Variants in CARD8 observed in about 807,000 individuals in gnomAD.
CARD8 encodes the protein caspase recruitment domain family member 8.
Under a neutral mutation model 53.2 loss-of-function variants are expected in CARD8, and 38 were observed. The observed-to-expected ratio is 0.71, with a 90% CI of 0.55 to 0.94. The LOEUF (loss-of-function observed/expected upper bound fraction) is 0.94, where lower values mean the gene tolerates loss of function less well. CARD8 is among the 40% of genes least tolerant of loss of function. The pLI, the probability that CARD8 is intolerant of heterozygous loss-of-function variation, is 0.00. For synonymous variants in CARD8, 245 were observed against 244.9 expected (o/e 1.00, Z 0.00); for missense variants, 561 against 655.5 (o/e 0.86, Z 1.57).
chr19:48,211,672 G>T lies in CARD8; in HGVS notation c.*38C>A. The T allele has an allele frequency of 6.3e-7, 1 of 1,585,472 alleles. No individual in the cohort carries two copies. Among genetic ancestry groups the T allele is most frequent in the Non-Finnish European group, 8.6e-7 (1 of 1,160,704 alleles). On this transcript the variant is annotated 3_prime_UTR_variant, in exon 14 of 14. Coordinates refer to ENST00000651546, the MANE Select transcript of CARD8 (RefSeq NM_001184900.3). ...CTGTTTATCCATTTCCAATGAGAAC[G>T]CTGGATTCTCTCTTCCAGACTACCT... is the stretch of plus-strand genomic sequence containing the variant.
At chr19:48,239,024 A>G (rs1366820847) in intron 4 of CARD8, among the ~76,000 whole-genome samples, 6 of 152,190 alleles carry the variant, frequency 3.9e-5, no homozygotes, top group African/African-American at 1.4e-4. Flanking sequence ...TTCTGAAAGG[A>G]TACTGTGTTT....
At chr19:48,235,900 A>T (rs1366407707) in intron 5 of CARD8, among the ~76,000 whole-genome samples, 1 of 144,704 alleles carries the variant, frequency 6.9e-6, no homozygotes, top group African/African-American at 2.5e-5. Flanking sequence ...ACTTTTGTCT[A>T]AAAAAAAAAA....
chr19:48,205,568 A>G (rs891386495), downstream of CARD8, among the ~76,000 whole-genome samples: 2 of 152,142 alleles, frequency 1.3e-5, no homozygotes, highest in Non-Finnish European at 2.9e-5. Context: ...TAATAAAGCT[A>G]CTTGTACCCA....
intron 11 of CARD8, among the ~76,000 whole-genome samples, chr19:48,220,923 GAA>G (rs1158938894): frequency 1.1e-5 from 1 of 90,662 alleles, no homozygotes; most frequent in African/African-American, 4.6e-5. Flanking sequence ...AAGAAGGAAA[GAA>G]AGAGAGAAAG....
At chr19:48,233,058 C>T (rs564545401) in intron 6 of CARD8, 3 of 351,750 alleles carry the variant, frequency 8.5e-6, no homozygotes, top group Non-Finnish European at 1.7e-5. Flanking sequence ...TAATTCCAAA[C>T]TTGACCACAC....
rs761185693 is a variant in CARD8, at chr19:48,230,516, T to C, written c.957A>G (p.Thr319=). 8.7e-5 allele frequency: 141 copies of C among 1,614,022 alleles called. 1 individual carries two copies. Among genetic ancestry groups the C allele is most frequent in the East Asian group, 2.7e-4 (12 of 44,850 alleles). The change falls in exon 10 of 14, where the codon ACA becomes ACG. Residue 319 remains threonine, a synonymous_variant. Coordinates refer to ENST00000651546, the MANE Select transcript of CARD8 (RefSeq NM_001184900.3). ...TRLSIPITSN[T]LIYYHPHPED... is the part of the protein sequence containing the mutation. ...CGGGGTGGGGGTGATAATAGATCAA[T>C]GTGTTGGAAGTGATGGGGATGGAGA... is the stretch of plus-strand genomic sequence containing the variant.
intron 1 of CARD8, among the ~76,000 whole-genome samples, chr19:48,252,909 T>C (rs958943029): frequency 6.6e-6 from 1 of 152,146 alleles, no homozygotes; most frequent in African/African-American, 2.4e-5. Flanking sequence ...CTTTTTTAAA[T>C]GCAGTTGCTA....
At chr19:48,247,292 C>G (rs1444320596) in intron 3 of CARD8, among the ~76,000 whole-genome samples, 1 of 152,040 alleles carries the variant, frequency 6.6e-6, no homozygotes, top group African/African-American at 2.4e-5. Context: ...CCACTGCACT[C>G]CAGCCTGGGT....
At chr19:48,237,587 A>G (rs1486583089) in intron 5 of CARD8, among the ~76,000 whole-genome samples, 1 of 151,924 alleles carries the variant, frequency 6.6e-6, no homozygotes, top group South Asian at 2.1e-4. Flanking sequence ...ACTTGAGGTC[A>G]GGAGTTTGAG....
intron 4 of CARD8, among the ~76,000 whole-genome samples, chr19:48,239,404 A>G (rs2044534624): frequency 6.6e-6 from 1 of 152,166 alleles, no homozygotes; most frequent in African/African-American, 2.4e-5. Context: ...TGGGTTCCCA[A>G]AGCAAACAAT....
chr19:48,218,835 C>G, intron 12 of CARD8, 36 bp downstream of exon 12: 1 of 1,607,384 alleles, frequency 6.2e-7, no homozygotes, highest in Non-Finnish European at 8.5e-7. Flanking sequence ...ATGATGGATC[C>G]CTGTCTAAAA....
At chr19:48,246,118 A>T (rs2046066665) in intron 3 of CARD8, among the ~76,000 whole-genome samples, 1 of 151,996 alleles carries the variant, frequency 6.6e-6, no homozygotes, top group African/African-American at 2.4e-5. Context: ...ACCGTTTCTT[A>T]TTCTTCCCTT....
chr19:48,204,180 C>G (rs1342248642), downstream of CARD8: 1 of 455,946 alleles, frequency 2.2e-6, no homozygotes, highest in Admixed American at 2.3e-5. Context: ...GCTTCGGTCT[C>G]CATGGTTACG....
chr19:48,241,872 A>G (rs554868319), intron 3 of CARD8, among the ~76,000 whole-genome samples: 17 of 152,218 alleles, frequency 1.1e-4, no homozygotes, highest in African/African-American at 3.4e-4. Context: ...ATTCACCCAC[A>G]TAAGTCTACA....
At chr19:48,226,982 G>A (rs566984079) in intron 10 of CARD8, among the ~76,000 whole-genome samples, 6 of 151,692 alleles carry the variant, frequency 4.0e-5, no homozygotes, top group Non-Finnish European at 8.8e-5. Context: ...CCATAATCCC[G>A]GTGAGGCATG....
intron 4 of CARD8, among the ~76,000 whole-genome samples, chr19:48,239,469 A>G (rs2044550480): frequency 1.5e-5 from 2 of 133,850 alleles, no homozygotes; most frequent in Non-Finnish European, 3.1e-5. Context: ...CAGTCATTTC[A>G]GACTTTTTTT....
intron 10 of CARD8, among the ~76,000 whole-genome samples, chr19:48,223,255 G>A (rs2041052561): frequency 6.6e-6 from 1 of 151,154 alleles, no homozygotes; most frequent in Non-Finnish European, 1.5e-5. Context: ...AGTGAGTCGG[G>A]ATCGCACCAC....
At position 48,219,031 on chromosome 19, in the gene CARD8, T is replaced by C. The variant is rs776428295; in HGVS notation, c.1162-19A>G. ...TCAACTCCTAGAGGAAACACATCAG[T>C]TGACTTGAAGCAGTGGAGGGTGGAA... On this transcript the variant is annotated intron_variant, in intron 11 of 13. Transcript: ENST00000651546. 1.2e-6 allele frequency: 2 copies of C among 1,613,584 alleles called. No individual in the cohort carries two copies. The highest frequency in any genetic ancestry group is 2.2e-5 in the East Asian group (1 of 44,890).
At chr19:48,237,069 C>T (rs1316202350) in intron 5 of CARD8, among the ~76,000 whole-genome samples, 2 of 152,090 alleles carry the variant, frequency 1.3e-5, no homozygotes, top group Non-Finnish European at 2.9e-5. Context: ...AGACACCGCG[C>T]CTGGCCTGTA....
Sources: gnomAD v4.1 joint callset for allele counts (sites outside exome capture counted in the v4.1 genomes callset) on GRCh38, gnomAD v4.1.1 for gene constraint, MANE v1.5 for transcripts, NCBI Gene and HGNC (gene_info 2026-07-23, HGNC 2026-07-21) for gene names.